The following HNRNPLL variants were observed in gnomAD, a reference collection of about 807,000 sequenced individuals.
HNRNPLL encodes heterogeneous nuclear ribonucleoprotein L like.
A neutral mutation model predicts 67.1 loss-of-function variants in HNRNPLL; 25 were observed. The ratio of observed to expected loss-of-function variants is 0.37; its 90% confidence interval spans 0.27 to 0.52. The LOEUF (loss-of-function observed/expected upper bound fraction) is 0.52. HNRNPLL is among the 20% of genes least tolerant of loss of function. The pLI is 0.90. For synonymous variants in HNRNPLL, 267 were observed against 241.7 expected (o/e 1.10, Z -0.97); for missense variants, 542 against 673.9 (o/e 0.80, Z 2.17).
chr2:38,594,526 C>G (rs1390762114), intron 1 of HNRNPLL, among the ~76,000 whole-genome samples: 2 of 152,258 alleles, frequency 1.3e-5, no homozygotes, highest in East Asian at 3.9e-4. Flanking sequence ...AAACCCTACA[C>G]AGCAAAAAGC....
At chr2:38,588,076 G>C (rs1275980548) in intron 2 of HNRNPLL, among the ~76,000 whole-genome samples, 4 of 152,060 alleles carry the variant, frequency 2.6e-5, no homozygotes, top group African/African-American at 7.3e-5. Context: ...CCCAGAAGCA[G>C]AAGACTGTAT....
At chr2:38,592,789 T>C (rs1667014996) in intron 1 of HNRNPLL, among the ~76,000 whole-genome samples, 1 of 152,256 alleles carries the variant, frequency 6.6e-6, no homozygotes, top group Non-Finnish European at 1.5e-5. Flanking sequence ...ACTTCCACCG[T>C]GTACATCCCT....
At chr2:38,579,602 G>T (rs1042331265) in intron 6 of HNRNPLL, among the ~76,000 whole-genome samples, 2 of 151,938 alleles carry the variant, frequency 1.3e-5, no homozygotes, top group African/African-American at 4.8e-5. Context: ...TCCCCAAAAA[G>T]ATGCACCTAT....
chr2:38,599,812 C>G (rs1667351168), intron 1 of HNRNPLL: 1 of 453,336 alleles, frequency 2.2e-6, no homozygotes, highest in Non-Finnish European at 4.5e-6. Flanking sequence ...TCATAAAAAA[C>G]CAAGCAATGT....
At chr2:38,595,234 C>G (rs545288868) in intron 1 of HNRNPLL, among the ~76,000 whole-genome samples, 5 of 130,734 alleles carry the variant, frequency 3.8e-5, no homozygotes, top group African/African-American at 1.5e-4. Context: ...GAGCCAAGAT[C>G]GTGCCACTCC....
intron 4 of HNRNPLL, 141 bp downstream of exon 4, chr2:38,583,700 G>A (rs1171599580): frequency 6.1e-6 from 3 of 495,504 alleles, no homozygotes; most frequent in African/African-American, 6.0e-5. Flanking sequence ...TATGAGTACT[G>A]CAGTTTCATT....
chr2:38,602,500 G>A lies in HNRNPLL; in HGVS notation c.127C>T (p.Arg43Trp), dbSNP rs1356876923. ...CCCCCGCCCCGGGGCGTCGCTTCCC[G>A]GCGGTTCTCGCCTTCCTCGGCCGAG... ...DYSAEEGENR[R>W]EATPRGGGDG... is the part of the protein sequence containing the mutation. Residue 43 changes from arginine to tryptophan, a missense_variant, in exon 1 of 13, where the codon CGG becomes TGG. Around this residue, in one of 2 missense-constraint regions of HNRNPLL, gnomAD observed 127 missense variants for 98.7 expected, o/e 1.29. Coordinates refer to ENST00000449105, the MANE Select transcript of HNRNPLL (RefSeq NM_138394.4). 3.2e-6 allele frequency: 5 copies of A among 1,548,004 alleles called. No individual in the cohort carries two copies. Among genetic ancestry groups the A allele is most frequent in the Non-Finnish European group, 4.4e-6 (5 of 1,148,276 alleles).
intron 1 of HNRNPLL, chr2:38,601,478 A>G (rs1210672804): frequency 6.6e-6 from 1 of 152,226 alleles, no homozygotes; most frequent in African/African-American, 2.4e-5. Flanking sequence ...TTTAAATAAC[A>G]TCTAAGTCAT....
chr2:38,581,898 G>A lies in HNRNPLL; in HGVS notation c.802+15C>T. On this transcript the variant is annotated intron_variant, in intron 6 of 12. Coordinates refer to ENST00000449105, the MANE Select transcript of HNRNPLL (RefSeq NM_138394.4). The stretch of plus-strand genomic sequence containing the variant: ...CAGCAGATCAAGTACATTCTAAAAT[G>A]TATAAAATACCTACCTCGTCTTCCC... 1 of 1,562,742 alleles carries A rather than the reference G, an allele frequency of 6.4e-7. No homozygotes were observed. The highest frequency in any genetic ancestry group is 8.8e-7 in the Non-Finnish European group (1 of 1,133,784).
At chr2:38,588,504 G>A (rs180861612) in intron 2 of HNRNPLL, among the ~76,000 whole-genome samples, 20 of 136,428 alleles carry the variant, frequency 1.5e-4, no homozygotes, top group Admixed American at 3.9e-4. Context: ...AGCCAAGATC[G>A]CGCCACTGCA....
chr2:38,585,525 C>G (rs1666689643), intron 3 of HNRNPLL, 119 bp downstream of exon 3: 2 of 633,018 alleles, frequency 3.2e-6, no homozygotes, highest in African/African-American at 1.8e-5. Context: ...GATTAATTTT[C>G]AAAATTAAAA....
intron 1 of HNRNPLL, among the ~76,000 whole-genome samples, chr2:38,596,517 C>T (rs1338015432): frequency 6.6e-6 from 1 of 152,114 alleles, no homozygotes; most frequent in Non-Finnish European, 1.5e-5. Context: ...CTCAGCCTCC[C>T]GAAGTGTTGG....
chr2:38,568,972 A>G (rs916731652), intron 10 of HNRNPLL, among the ~76,000 whole-genome samples, 161 bp downstream of exon 10: 1 of 152,220 alleles, frequency 6.6e-6, no homozygotes, highest in African/African-American at 2.4e-5. Context: ...GAGGCCAGAA[A>G]AGTACAATGG....
At chr2:38,572,286 G>A (rs1183732584) in intron 8 of HNRNPLL, among the ~76,000 whole-genome samples, 1 of 151,946 alleles carries the variant, frequency 6.6e-6, no homozygotes, top group African/African-American at 2.4e-5. Flanking sequence ...TAATTCTGAA[G>A]GGTTGCTTCC....
At chr2:38,595,795 G>C (rs1474685323) in intron 1 of HNRNPLL, among the ~76,000 whole-genome samples, 1 of 152,150 alleles carries the variant, frequency 6.6e-6, no homozygotes, top group African/African-American at 2.4e-5. Context: ...AGTGAGCTGA[G>C]ATCGCGCCAC....
At chr2:38,565,340 T>C (rs762412031) in intron 12 of HNRNPLL, among the ~76,000 whole-genome samples, 5 of 152,192 alleles carry the variant, frequency 3.3e-5, no homozygotes, top group Non-Finnish European at 7.3e-5. Flanking sequence ...TTTAAAGCTT[T>C]TTAAAACTTT....
intron 2 of HNRNPLL, among the ~76,000 whole-genome samples, chr2:38,587,098 C>G (rs1023621955): frequency 6.6e-6 from 1 of 152,098 alleles, no homozygotes; most frequent in Non-Finnish European, 1.5e-5. Context: ...AAAGAAATGT[C>G]GGGTCCAGTA....
chr2:38,598,134 A>C (rs978621739), intron 1 of HNRNPLL, among the ~76,000 whole-genome samples: 1 of 152,052 alleles, frequency 6.6e-6, no homozygotes, highest in Non-Finnish European at 1.5e-5. Flanking sequence ...TATTATTATT[A>C]TACATTGGTA....
In HNRNPLL at chr2:38,599,340, T is replaced by C. The variant is rs557801188; in HGVS notation, c.189+3098A>G. On this transcript the variant is annotated intron_variant, in intron 1 of 12. Coordinates refer to ENST00000449105, the MANE Select transcript of HNRNPLL (RefSeq NM_138394.4). Reference sequence around the variant, plus strand: ...ATCTCCAAAATAAATTAGCACTCCATCCCAATTCCTCAAGTGGTTTTCCCA... The same window carrying C: ...ATCTCCAAAATAAATTAGCACTCCACCCCAATTCCTCAAGTGGTTTTCCCA... Among the ~76,000 whole-genome samples, 7 of 152,334 alleles carry C rather than the reference T, an allele frequency of 4.6e-5. No individual in the cohort carries two copies. In the South Asian group the frequency reaches 1.5e-3, roughly 32 times the overall value.
Sources: allele counts gnomAD v4.1 joint callset (sites outside exome capture counted in the v4.1 genomes callset), GRCh38; gene constraint gnomAD v4.1.1; regional missense constraint gnomAD v4.1.1; transcripts MANE v1.5; gene names NCBI Gene and HGNC (gene_info 2026-07-23, HGNC 2026-07-21).